URB1: variants seen among roughly 807,000 people sequenced by gnomAD.
The protein encoded by URB1 is URB1 ribosome biogenesis factor.
Under a neutral mutation model 242.3 loss-of-function variants are expected in URB1, and 197 were observed. The observed-to-expected ratio is 0.81, with a 90% CI of 0.72 to 0.91. The LOEUF is 0.91. Ranked by LOEUF, URB1 falls within the 40% of genes least tolerant of loss-of-function variation. URB1 has a pLI of 0.00. For synonymous variants in URB1, 1,153 were observed against 1,201.8 expected, an observed-to-expected ratio of 0.96 and a Z score of 0.84; for missense variants, 2,721 against 2,860.5, an observed-to-expected ratio of 0.95 and a Z score of 1.11.
rs7278170 is a variant in URB1, at chr21:32,356,777, T to C, written c.1989+760A>G. Among the ~76,000 whole-genome samples, 910 of 152,342 alleles carry C rather than the reference T, an allele frequency of 6.0e-3. 9 individuals are homozygous for C. The highest frequency in any genetic ancestry group is 0.021 in the African/African-American group (884 of 41,560). ...CACGGCACAGAGCCCTGCAACAGCA[T>C]GCACCAAAGGAAAGCCTGACTGTGC... On this transcript the variant is annotated intron_variant, in intron 15 of 38. Transcript: ENST00000382751.
intron 20 of URB1, among the ~76,000 whole-genome samples, 151 bp from the exon 21 acceptor site, chr21:32,349,634 T>C (rs779332131): frequency 2.0e-5 from 3 of 152,232 alleles, no homozygotes; most frequent in Admixed American, 6.5e-5. Flanking sequence ...CACCCATCAA[T>C]GCAATGCCAT....
intron 12 of URB1, 46 bp downstream of exon 12, chr21:32,361,846 G>A (rs1322197291): frequency 3.9e-6 from 6 of 1,542,774 alleles, no homozygotes; most frequent in Non-Finnish European, 5.2e-6. Flanking sequence ...TGTCAGCTCT[G>A]TCCCATGCAA....
At chr21:32,354,228 A>G (rs1379457402) in intron 17 of URB1, 125 bp from the exon 18 acceptor site, 2 of 1,062,188 alleles carry the variant, frequency 1.9e-6, no homozygotes, top group South Asian at 1.6e-5. Context: ...TCTTGGGGGG[A>G]GCATTTAACA....
At chr21:32,322,882 C>T (rs535979318) in intron 32 of URB1, among the ~76,000 whole-genome samples, 71 of 152,308 alleles carry the variant, frequency 4.7e-4, no homozygotes, top group African/African-American at 1.5e-3. Flanking sequence ...TCAAACCAGC[C>T]GGTGGGAAGG....
intron 14 of URB1, among the ~76,000 whole-genome samples, chr21:32,358,691 A>C (rs912202038): frequency 6.6e-6 from 1 of 152,138 alleles, no homozygotes; most frequent in African/African-American, 2.4e-5. Context: ...TCACTTTCCA[A>C]CTAAATTATC....
At chr21:32,325,093 C>A in intron 31 of URB1, 136 bp downstream of exon 31, 1 of 1,180,210 alleles carries the variant, frequency 8.5e-7, no homozygotes, top group Admixed American at 2.8e-5. Flanking sequence ...GACTTTTGCT[C>A]TTCAGCAGAG....
chr21:32,373,780 A>G lies in URB1; in HGVS notation c.751-8T>C. On this transcript the variant is annotated splice_region_variant and splice_polypyrimidine_tract_variant and intron_variant, in intron 6 of 38. Coordinates refer to ENST00000382751, the MANE Select transcript of URB1 (RefSeq NM_014825.3). The stretch of plus-strand genomic sequence containing the variant: ...ATTTTTATTGTGAACTACCTGAAAC[A>G]ATAATAAAACAAATTATTAAAAAAC... 1 of 1,508,338 alleles carries G rather than the reference A, an allele frequency of 6.6e-7. No individual in the cohort carries two copies. Among genetic ancestry groups the G allele is most frequent in the Non-Finnish European group, 8.8e-7 (1 of 1,133,216 alleles). The allele number at this position is 1,508,338 out of a possible 1,614,324, so 93.4% of individuals were successfully genotyped here.
chr21:32,325,523 C>T, intron 30 of URB1, 134 bp from the exon 31 acceptor site: 1 of 1,179,030 alleles, frequency 8.5e-7, no homozygotes, highest in Non-Finnish European at 1.2e-6. Flanking sequence ...AAGTCTCTCT[C>T]CAACTCCTCC....
chr21:32,334,313 C>A lies in URB1; in HGVS notation c.4707G>T (p.Ala1569=), dbSNP rs1325767627. ...GGCACGTCTTGTGATGCTCCACGGCCGCTGGGCCCCACAGCAGCACCCTAG... is the reference window on the plus strand; with the variant it reads ...GGCACGTCTTGTGATGCTCCACGGCAGCTGGGCCCCACAGCAGCACCCTAG... ...INFRVLLWGP[A]AVEHHKTCRS... is the part of the protein sequence containing the mutation. Residue 1569 remains alanine (A), a synonymous_variant, in exon 29 of 39, where the codon GCG becomes GCT. Transcript: ENST00000382751. 5.8e-6 allele frequency: 9 copies of A among 1,550,162 alleles called. No homozygotes were observed. Among genetic ancestry groups the A allele is most frequent in the Admixed American group, 3.9e-5 (2 of 50,938 alleles).
chr21:32,373,355 A>T (rs1172249393), intron 7 of URB1, among the ~76,000 whole-genome samples: 1 of 152,080 alleles, frequency 6.6e-6, no homozygotes, highest in African/African-American at 2.4e-5. Flanking sequence ...GGCCGGGATG[A>T]CCCTGCAGGT....
chr21:32,350,938 A>G lies in URB1; in HGVS notation c.2614-16T>C, dbSNP rs996727452. 5.8e-6 allele frequency: 9 copies of G among 1,538,830 alleles called. No individual in the cohort carries two copies. The highest frequency in any genetic ancestry group is 2.0e-5 in the Admixed American group (1 of 50,924). On this transcript the variant is annotated splice_polypyrimidine_tract_variant and intron_variant, in intron 19 of 38. Coordinates refer to ENST00000382751, the MANE Select transcript of URB1 (RefSeq NM_014825.3). ...CCTGCAGCAGCTGAGGGAGACAGCA[A>G]AAGGCCGGGGAAGAGAAAGACACAT...
chr21:32,337,079 T>A lies in URB1; in HGVS notation c.4685+15A>T. 6.4e-7 allele frequency: 1 copy of A among 1,551,666 alleles called. No homozygotes were observed. The highest frequency in any genetic ancestry group is 8.7e-7 in the Non-Finnish European group (1 of 1,146,856). On this transcript the variant is annotated intron_variant, in intron 28 of 38. Coordinates refer to ENST00000382751, the MANE Select transcript of URB1 (RefSeq NM_014825.3). ...GTGACCTCAAGGCCTAGTCTACCTC[T>A]AGCCCAACACTCACCTGAAGTTGAT...
chr21:32,314,561 G>A lies in URB1; in HGVS notation c.*357C>T, dbSNP rs150983600. 1.7e-5 allele frequency: 28 copies of A among 1,613,988 alleles called. No individual in the cohort carries two copies. The highest frequency in any genetic ancestry group is 1.6e-4 in the East Asian group (7 of 44,886). On this transcript the variant is annotated 3_prime_UTR_variant, in exon 39 of 39. Transcript: ENST00000382751. ...CTTTTGACATTTCAGCTTTAACACA[G>A]ATGAATCTCTTCTGCATTCAGAAGT...
Position 32,316,733 on chromosome 21 carries a change from C to T in URB1, c.6367G>A (p.Gly2123Ser). ...GGCAAAATATGGCTCTTAAGCCAGC[C>T]AATGAGTCCTGCAGCCTCTGCCCTG... ...LSRAEAAGLI[G>S]WLKSHILPHP... Residue 2123 changes from glycine (G) to serine (S), a missense_variant, in exon 38 of 39, where the codon GGC becomes AGC. Gly to Ser is a moderately conservative substitution (Grantham distance 56, BLOSUM62 0). Transcript: ENST00000382751. The T allele has an allele frequency of 6.4e-7, 1 of 1,551,346 alleles. No homozygotes were observed. Among genetic ancestry groups the T allele is most frequent in the Middle Eastern group, 1.7e-4 (1 of 5,992 alleles).
chr21:32,324,360 A>T, intron 32 of URB1, 131 bp downstream of exon 32: 1 of 731,798 alleles, frequency 1.4e-6, no homozygotes, highest in Non-Finnish European at 2.3e-6. Context: ...CTCATCTTCC[A>T]CAATCATGAG....
intron 34 of URB1, among the ~76,000 whole-genome samples, chr21:32,321,371 C>G (rs9979615): frequency 1.2e-4 from 18 of 152,090 alleles, no homozygotes; most frequent in South Asian, 1.0e-3. Context: ...TGAGTTCTGA[C>G]AACCCCCAAC....
At chr21:32,380,772 G>T (rs1459071934) in intron 4 of URB1, among the ~76,000 whole-genome samples, 1 of 152,180 alleles carries the variant, frequency 6.6e-6, no homozygotes, top group Non-Finnish European at 1.5e-5. Context: ...ATTAAATTAA[G>T]TTCTGTCTTT....
chr21:32,312,291 G>C lies in URB1; in HGVS notation c.*2627C>G. On this transcript the variant is annotated 3_prime_UTR_variant, in exon 39 of 39. Coordinates refer to ENST00000382751, the MANE Select transcript of URB1 (RefSeq NM_014825.3). The stretch of plus-strand genomic sequence containing the variant: ...AAATATATGCAAATCAAGAGGAAAA[G>C]CTGTTTGCTTACTAATCTTTACTAT... 2.2e-6 allele frequency: 3 copies of C among 1,347,394 alleles called. No homozygotes were observed. Among genetic ancestry groups the C allele is most frequent in the Non-Finnish European group, 2.9e-6 (3 of 1,044,682 alleles). The allele number at this position is 1,347,394 out of a possible 1,614,324, so 83.5% of individuals were successfully genotyped here.
Position 32,350,873 on chromosome 21 carries a change from G to C in URB1, c.2663C>G (p.Ser888Trp). 6.4e-7 allele frequency: 1 copy of C among 1,550,420 alleles called. No homozygotes were observed. The highest frequency in any genetic ancestry group is 8.7e-7 in the Non-Finnish European group (1 of 1,146,984). Residue 888 changes from serine to tryptophan, a missense_variant, in exon 20 of 39, where the codon TCG becomes TGG. Physicochemically the swap from Ser to Trp is radical, Grantham distance 177. Coordinates refer to ENST00000382751, the MANE Select transcript of URB1 (RefSeq NM_014825.3). ...TGCCTGCAGCAGGGCTGTGAAGGAC[G>C]AGGCCAAGGGAAGGGCAGGGGGCGA... is the stretch of plus-strand genomic sequence containing the variant. ...SPSPPALPLASSFTALLQAAY... is the reference protein window; with the variant it reads ...SPSPPALPLAWSFTALLQAAY...
Sources: allele counts gnomAD v4.1 joint callset (sites outside exome capture counted in the v4.1 genomes callset), GRCh38; gene constraint gnomAD v4.1.1; transcripts MANE v1.5; gene names NCBI Gene and HGNC (gene_info 2026-07-23, HGNC 2026-07-21).